CNTNAP2: variants seen among roughly 807,000 people sequenced by gnomAD.
CNTNAP2 encodes the protein contactin-associated protein-like 2.
In CNTNAP2, 98 loss-of-function variants were observed where a neutral mutation model predicts 155.2. The observed-to-expected ratio is 0.63, with a 90% CI of 0.54 to 0.75. The LOEUF is 0.75. Among genes scored for constraint, CNTNAP2 ranks in the 30% least tolerant of loss-of-function variants. The pLI, the probability that CNTNAP2 is intolerant of heterozygous loss-of-function variation, is 0.00. For missense variants in CNTNAP2, 1,727 were observed against 1,688.1 expected (o/e 1.02, Z -0.40); for synonymous variants, 651 against 631.2 (o/e 1.03, Z -0.47).
intron 15 of CNTNAP2, among the ~76,000 whole-genome samples, chr7:148,024,179 A>AAAG (rs71188940): frequency 1.3e-5 from 2 of 150,146 alleles, no homozygotes; most frequent in African/African-American, 2.5e-5. Flanking sequence ...AAAAAAAAAA[A>AAAG]CTTTATAACA....
chr7:148,357,180 T>G (rs562992503), intron 21 of CNTNAP2, among the ~76,000 whole-genome samples: 1 of 152,272 alleles, frequency 6.6e-6, no homozygotes, highest in African/African-American at 2.4e-5. Context: ...GGGTCTTTCC[T>G]GTGCTGTTGT....
rs1168572495 is a variant in CNTNAP2 at position 147,248,579 on chromosome 7, G to A, written c.1349-51562G>A. Among the ~76,000 whole-genome samples, 6 of 152,126 alleles carry A rather than the reference G, an allele frequency of 3.9e-5. No individual in the cohort carries two copies. In the East Asian group the frequency reaches 7.7e-4, roughly 20 times the overall value. On this transcript the variant is annotated intron_variant, in intron 8 of 23. Coordinates refer to ENST00000361727, the MANE Select transcript of CNTNAP2 (RefSeq NM_014141.6). The stretch of plus-strand genomic sequence containing the variant: ...CAAACTCTCTTAATAGTCCCTTATG[G>A]GGCCGGTGGCTGTCATGGCAGTTTG...
rs575569670 is a variant in CNTNAP2 at position 147,637,813 on chromosome 7, T to C, written c.1898-1293T>C. On this transcript the variant is annotated intron_variant, in intron 12 of 23. Coordinates refer to ENST00000361727, the MANE Select transcript of CNTNAP2 (RefSeq NM_014141.6). ...AAGGTGCATCATGTGTGGTTTCACTTGTGGTTATATTAGCAGCCATTGATA... is the reference window on the plus strand; with the variant it reads ...AAGGTGCATCATGTGTGGTTTCACTCGTGGTTATATTAGCAGCCATTGATA... 4.6e-5 allele frequency among the ~76,000 whole-genome samples: 7 copies of C among 152,276 alleles called. No homozygotes were observed. The South Asian group carries it at 1.4e-3, about 32-fold the overall frequency.
chr7:146,156,940 A>C (rs759025880), intron 1 of CNTNAP2, among the ~76,000 whole-genome samples: 7 of 152,186 alleles, frequency 4.6e-5, no homozygotes, highest in Non-Finnish European at 8.8e-5. Flanking sequence ...CTTTGAACTT[A>C]CTAAGAGTTC....
intron 12 of CNTNAP2, among the ~76,000 whole-genome samples, chr7:147,609,563 G>T (rs377031922): frequency 3.4e-4 from 52 of 151,996 alleles, no homozygotes; most frequent in African/African-American, 1.1e-3. Context: ...TTAAGGTTGT[G>T]GGGGAGACAG....
intron 9 of CNTNAP2, among the ~76,000 whole-genome samples, chr7:147,321,671 C>T (rs546703550): frequency 6.6e-6 from 1 of 152,148 alleles, no homozygotes; most frequent in Non-Finnish European, 1.5e-5. Context: ...CCAAGCATTT[C>T]TCTTAACATG....
At chr7:146,780,042 A>G (rs1802455831) in intron 2 of CNTNAP2, among the ~76,000 whole-genome samples, 1 of 152,214 alleles carries the variant, frequency 6.6e-6, no homozygotes, top group Non-Finnish European at 1.5e-5. Context: ...CAGTAATGGG[A>G]TTGCTGGGTC....
chr7:147,795,492 T>C (rs892172633), intron 13 of CNTNAP2, among the ~76,000 whole-genome samples: 20 of 151,978 alleles, frequency 1.3e-4, no homozygotes, highest in African/African-American at 4.6e-4. Flanking sequence ...ATTTTATTTG[T>C]CAGCTTTCGT....
chr7:146,755,485 T>A (rs1801980094), intron 1 of CNTNAP2, among the ~76,000 whole-genome samples: 1 of 152,032 alleles, frequency 6.6e-6, no homozygotes, highest in Non-Finnish European at 1.5e-5. Flanking sequence ...GAATAAATGA[T>A]GTTTATACTT....
At chr7:146,241,696 T>C (rs1297765183) in intron 1 of CNTNAP2, among the ~76,000 whole-genome samples, 2 of 152,146 alleles carry the variant, frequency 1.3e-5, no homozygotes, top group African/African-American at 4.8e-5. Context: ...TAGAGAATCA[T>C]AGCCCATAGT....
At chr7:147,575,539 G>A in intron 12 of CNTNAP2, among the ~76,000 whole-genome samples, 1 of 151,000 alleles carries the variant, frequency 6.6e-6, no homozygotes, top group African/African-American at 2.4e-5. Context: ...GTGTGTGTAT[G>A]TGTGTGTGAA....
intron 4 of CNTNAP2, among the ~76,000 whole-genome samples, chr7:147,050,304 C>T (rs1050512061): frequency 1.3e-5 from 2 of 152,106 alleles, no homozygotes; most frequent in Non-Finnish European, 2.9e-5. Context: ...TTTTAAAAAG[C>T]CAAACACAGT....
intron 11 of CNTNAP2, among the ~76,000 whole-genome samples, chr7:147,524,136 T>C (rs1427924601): frequency 6.6e-6 from 1 of 152,222 alleles, no homozygotes; most frequent in Non-Finnish European, 1.5e-5. Flanking sequence ...TCACACCTTG[T>C]CTACAGCCTA....
intron 8 of CNTNAP2, among the ~76,000 whole-genome samples, chr7:147,179,585 A>C (rs1006158743): frequency 6.6e-6 from 1 of 152,352 alleles, no homozygotes; most frequent in Middle Eastern, 3.4e-3. Context: ...CCATTTTGTT[A>C]TCTTTTACAG....
chr7:146,914,980 G>A (rs1796365479), intron 3 of CNTNAP2, among the ~76,000 whole-genome samples: 1 of 152,004 alleles, frequency 6.6e-6, no homozygotes, highest in South Asian at 2.1e-4. Flanking sequence ...GATCCATCTT[G>A]AGTTAATTTT....
intron 21 of CNTNAP2, among the ~76,000 whole-genome samples, chr7:148,331,698 G>T (rs111584974): frequency 5.6e-4 from 80 of 143,962 alleles, no homozygotes; most frequent in African/African-American, 8.6e-4. Flanking sequence ...GACGGATGGA[G>T]TGGATGGATG....
intron 3 of CNTNAP2, among the ~76,000 whole-genome samples, chr7:147,042,095 G>A (rs761962542): frequency 3.9e-5 from 6 of 152,162 alleles, no homozygotes; most frequent in Middle Eastern, 3.2e-3. Context: ...TTGTCAACAA[G>A]ATGCAATGAG....
chr7:146,673,308 T>C (rs1800340922), intron 1 of CNTNAP2, among the ~76,000 whole-genome samples: 1 of 152,232 alleles, frequency 6.6e-6, no homozygotes, highest in Non-Finnish European at 1.5e-5. Context: ...CATGTTCATT[T>C]CAGTTTTAAC....
At chr7:147,500,349 G>A (rs1252965606) in intron 11 of CNTNAP2, among the ~76,000 whole-genome samples, 1 of 151,856 alleles carries the variant, frequency 6.6e-6, no homozygotes, top group East Asian at 1.9e-4. Context: ...ACCATGAACA[G>A]TATAAACACA....
Sources: allele counts gnomAD v4.1 joint callset (sites outside exome capture counted in the v4.1 genomes callset), GRCh38; gene constraint gnomAD v4.1.1; transcripts MANE v1.5; gene names NCBI Gene and HGNC (gene_info 2026-07-23, HGNC 2026-07-21).